The following CEMIP variants were observed in gnomAD, a reference collection of about 807,000 sequenced individuals.
The protein encoded by CEMIP is cell migration inducing hyaluronidase 1.
In CEMIP, 105 loss-of-function variants were observed where a neutral mutation model predicts 156.9. The observed-to-expected ratio is 0.67, with a 90% CI of 0.57 to 0.79. The LOEUF (loss-of-function observed/expected upper bound fraction) is 0.79, where lower values mean the gene tolerates loss of function less well. Ranked by LOEUF, CEMIP falls within the 30% of genes least tolerant of loss-of-function variation. The pLI is 0.00. For missense variants in CEMIP, 1,457 were observed against 1,769.4 expected (o/e 0.82, Z 3.17); for synonymous variants, 676 against 668.4 (o/e 1.01, Z -0.17).
chr15:80,864,120 C>A (rs543255344), intron 1 of CEMIP, among the ~76,000 whole-genome samples: 24 of 152,284 alleles, frequency 1.6e-4, no homozygotes, highest in Admixed American at 1.4e-3. Context: ...TCCCTTTATC[C>A]GCCCCTGAAT....
intron 1 of CEMIP, among the ~76,000 whole-genome samples, chr15:80,847,136 C>T (rs1897581574): frequency 6.6e-6 from 1 of 152,152 alleles, no homozygotes; most frequent in African/African-American, 2.4e-5. Flanking sequence ...AAAGCCTTGA[C>T]CTCCCCAGCT....
chr15:80,900,213 G>A (rs1899416326), intron 12 of CEMIP, among the ~76,000 whole-genome samples: 1 of 152,202 alleles, frequency 6.6e-6, no homozygotes, highest in Admixed American at 6.5e-5. Context: ...GAGCATTTCT[G>A]CCTCAGCCTA....
At chr15:80,884,149 A>G (rs2141834565) in intron 6 of CEMIP, 26 bp from the exon 7 acceptor site, 1 of 1,613,190 alleles carries the variant, frequency 6.2e-7, no homozygotes, top group East Asian at 2.2e-5. Flanking sequence ...AAGACTATTC[A>G]GATCTCTTCT....
chr15:80,943,008 C>G lies in CEMIP; in HGVS notation c.3763C>G (p.Gln1255Glu), dbSNP rs1901402790. ...GIQVVVIDGN[Q>E]GRVVSHTSFR... ...CCAGGTGGTGGTGATTGACGGGAAC[C>G]AAGGGCGCGTGGTGAGCCACACGAG... Residue 1255 changes from glutamine (Q) to glutamate (E), a missense_variant, in exon 28 of 30, where the codon CAA (glutamine) becomes GAA (glutamate). Gln to Glu is a conservative substitution (Grantham distance 29). Transcript: ENST00000394685. The G allele has an allele frequency of 6.2e-7, 1 of 1,614,208 alleles. No homozygotes were observed. The highest frequency in any genetic ancestry group is 8.5e-7 in the Non-Finnish European group (1 of 1,180,036).
chr15:80,865,513 A>G (rs571466235), intron 1 of CEMIP, among the ~76,000 whole-genome samples: 1 of 152,212 alleles, frequency 6.6e-6, no homozygotes, highest in South Asian at 2.1e-4. Context: ...TCTAATTATA[A>G]TTGAATTTAA....
At chr15:80,782,604 C>CA (rs1895826246) in intron 1 of CEMIP, among the ~76,000 whole-genome samples, 1 of 152,062 alleles carries the variant, frequency 6.6e-6, no homozygotes, top group African/African-American at 2.4e-5. Flanking sequence ...TTTCTCCCCC[C>CA]ACAAAAGTGT....
chr15:80,800,342 A>G (rs1372802432), intron 1 of CEMIP, among the ~76,000 whole-genome samples: 2 of 152,092 alleles, frequency 1.3e-5, no homozygotes, highest in Non-Finnish European at 2.9e-5. Flanking sequence ...AGCAGGTCTC[A>G]TGTCATTTAT....
At chr15:80,815,696 T>TA (rs929567572) in intron 1 of CEMIP, among the ~76,000 whole-genome samples, 10 of 151,974 alleles carry the variant, frequency 6.6e-5, no homozygotes, top group Admixed American at 3.3e-4. Flanking sequence ...CTGTGCCTTT[T>TA]AAAAAAAATT....
intron 7 of CEMIP, among the ~76,000 whole-genome samples, chr15:80,886,191 G>A (rs573659383): frequency 2.8e-4 from 43 of 152,288 alleles, no homozygotes; most frequent in African/African-American, 9.9e-4. Flanking sequence ...GGCCAAGCTG[G>A]TTCCCATAGA....
chr15:80,916,558 C>A (rs1183008617), intron 14 of CEMIP, among the ~76,000 whole-genome samples: 1 of 152,224 alleles, frequency 6.6e-6, no homozygotes, highest in Non-Finnish European at 1.5e-5. Flanking sequence ...TTTGTTTATG[C>A]AGCTACTATT....
intron 1 of CEMIP, among the ~76,000 whole-genome samples, chr15:80,818,392 G>T (rs1284129164): frequency 6.6e-6 from 1 of 152,148 alleles, no homozygotes; most frequent in Non-Finnish European, 1.5e-5. Context: ...CTTGAAAAGG[G>T]GCAGGAGAAG....
At chr15:80,823,420 T>C (rs894484715) in intron 1 of CEMIP, among the ~76,000 whole-genome samples, 2 of 152,314 alleles carry the variant, frequency 1.3e-5, no homozygotes, top group East Asian at 1.9e-4. Flanking sequence ...CCAGAATTAG[T>C]TGGGGCATGG....
intron 19 of CEMIP, among the ~76,000 whole-genome samples, chr15:80,926,869 C>T (rs1470743399): frequency 7.2e-6 from 1 of 139,434 alleles, no homozygotes; most frequent in Admixed American, 7.4e-5. Flanking sequence ...CTTACTCTGT[C>T]ACCCAGGCTG....
intron 10 of CEMIP, among the ~76,000 whole-genome samples, chr15:80,891,285 C>A (rs1596163327): frequency 6.6e-6 from 1 of 152,188 alleles, no homozygotes; most frequent in African/African-American, 2.4e-5. Context: ...AGACATTCCC[C>A]ACTCTTGCAT....
intron 1 of CEMIP, among the ~76,000 whole-genome samples, chr15:80,827,444 C>A (rs1897061804): frequency 6.6e-6 from 1 of 152,208 alleles, no homozygotes; most frequent in Middle Eastern, 3.4e-3. Context: ...CATGGTGAAA[C>A]CCTGTCTCTA....
intron 3 of CEMIP, among the ~76,000 whole-genome samples, 175 bp from the exon 4 acceptor site, chr15:80,878,546 A>G (rs555558987): frequency 1.5e-4 from 23 of 152,234 alleles, no homozygotes; most frequent in Non-Finnish European, 2.6e-4. Flanking sequence ...ACTGGTCCCC[A>G]TGGTTCCTGC....
chr15:80,838,178 G>A (rs897104812), intron 1 of CEMIP, among the ~76,000 whole-genome samples: 5 of 152,158 alleles, frequency 3.3e-5, no homozygotes, highest in African/African-American at 1.2e-4. Context: ...ATCCACATGC[G>A]TTCCACTCGC....
intron 14 of CEMIP, 111 bp downstream of exon 14, chr15:80,909,417 C>A: frequency 9.2e-7 from 1 of 1,091,712 alleles, no homozygotes; most frequent in Non-Finnish European, 1.4e-6. Context: ...ATTGAACCAT[C>A]CTTAGTTCAG....
At chr15:80,933,059 AC>A (rs1248808119) in intron 22 of CEMIP, among the ~76,000 whole-genome samples, 185 bp from the exon 23 acceptor site, 8 of 152,240 alleles carry the variant, frequency 5.3e-5, no homozygotes, top group African/African-American at 1.9e-4. Context: ...GGCACAGTGA[AC>A]CTTTGACTGT....
Sources: gnomAD v4.1 joint callset for allele counts (sites outside exome capture counted in the v4.1 genomes callset) on GRCh38, gnomAD v4.1.1 for gene constraint, MANE v1.5 for transcripts, NCBI Gene and HGNC (gene_info 2026-07-23, HGNC 2026-07-21) for gene names.